The following HPSE2 variants were observed in gnomAD, a reference collection of about 807,000 sequenced individuals.
The protein encoded by HPSE2 is inactive heparanase-2.
HPSE2 carries 38 observed loss-of-function variants against 60.5 expected under a neutral mutation model. That is an observed-to-expected ratio of 0.63 (90% confidence interval 0.48 to 0.82). The LOEUF (loss-of-function observed/expected upper bound fraction) is 0.82. Ranked by LOEUF, HPSE2 falls within the 40% of genes least tolerant of loss-of-function variation. The probability of loss-of-function intolerance (pLI) is 0.00; values close to 1 mark genes in which losing one functional copy is unlikely to be tolerated. For missense variants in HPSE2, 713 were observed against 740.4 expected, an observed-to-expected ratio of 0.96 and a Z score of 0.43; for synonymous variants, 295 against 293.2, an observed-to-expected ratio of 1.01 and a Z score of -0.06.
At chr10:99,162,139 A>G (rs1442034653) in intron 2 of HPSE2, among the ~76,000 whole-genome samples, 2 of 152,228 alleles carry the variant, frequency 1.3e-5, no homozygotes, top group Admixed American at 6.5e-5. Context: ...AATGTACTTA[A>G]TAACACTGAA....
chr10:99,185,145 C>CA (rs948832400), intron 2 of HPSE2, among the ~76,000 whole-genome samples: 23 of 149,932 alleles, frequency 1.5e-4, no homozygotes, highest in Middle Eastern at 3.5e-3. Context: ...ACTAAATATA[C>CA]AAAAAAAAAT....
At chr10:98,589,908 T>A (rs1396134011) in intron 9 of HPSE2, among the ~76,000 whole-genome samples, 1 of 152,204 alleles carries the variant, frequency 6.6e-6, no homozygotes, top group Non-Finnish European at 1.5e-5. Flanking sequence ...AATTTAGTCA[T>A]CCTGTCAGGA....
intron 11 of HPSE2, among the ~76,000 whole-genome samples, chr10:98,479,482 C>G (rs1941150662): frequency 6.6e-6 from 1 of 152,232 alleles, no homozygotes; most frequent in Non-Finnish European, 1.5e-5. Context: ...CCACACCCTT[C>G]CTGTGAGACC....
intron 3 of HPSE2, among the ~76,000 whole-genome samples, chr10:98,829,525 A>T (rs1194063252): frequency 6.6e-6 from 1 of 152,084 alleles, no homozygotes; most frequent in Admixed American, 6.6e-5. Context: ...CATCTCAAAA[A>T]AAACAAAAAA....
chr10:98,487,907 C>T, intron 10 of HPSE2, among the ~76,000 whole-genome samples: 1 of 152,228 alleles, frequency 6.6e-6, no homozygotes, highest in East Asian at 1.9e-4. Flanking sequence ...CACCTGTTGA[C>T]ATGGAGGAGC....
the HPSE2 span, among the ~76,000 whole-genome samples, chr10:99,312,973 C>A: frequency 6.6e-6 from 1 of 152,128 alleles, no homozygotes; most frequent in Non-Finnish European, 1.5e-5. Context: ...TCAGTGAATT[C>A]TCATGAGATC....
At chr10:99,159,041 A>G (rs1252048878) in intron 2 of HPSE2, among the ~76,000 whole-genome samples, 1 of 152,076 alleles carries the variant, frequency 6.6e-6, no homozygotes, top group Non-Finnish European at 1.5e-5. Context: ...TTACACATCT[A>G]TATTCTAAAA....
the HPSE2 span, among the ~76,000 whole-genome samples, chr10:99,278,590 G>T: frequency 1.3e-5 from 2 of 152,112 alleles, no homozygotes; most frequent in Non-Finnish European, 2.9e-5. Flanking sequence ...ACATAATTTT[G>T]CTGCCTCAAA....
chr10:98,749,050 G>A (rs1325514356), intron 3 of HPSE2, among the ~76,000 whole-genome samples: 3 of 152,100 alleles, frequency 2.0e-5, no homozygotes, highest in Non-Finnish European at 4.4e-5. Context: ...ATAGTAATGA[G>A]AGAAGAACCA....
the HPSE2 span, among the ~76,000 whole-genome samples, chr10:99,245,992 G>C: frequency 6.6e-6 from 1 of 152,106 alleles, no homozygotes; most frequent in Non-Finnish European, 1.5e-5. Context: ...TACAATGATA[G>C]GTGAGAAACA....
At chr10:99,176,728 T>C (rs559994312) in intron 2 of HPSE2, among the ~76,000 whole-genome samples, 123 of 152,052 alleles carry the variant, frequency 8.1e-4, no homozygotes, top group African/African-American at 2.9e-3. Flanking sequence ...TTCCTCAACC[T>C]AGCAAGACAG....
At chr10:98,616,969 G>A (rs1485573200) in intron 8 of HPSE2, among the ~76,000 whole-genome samples, 1 of 152,176 alleles carries the variant, frequency 6.6e-6, no homozygotes, top group East Asian at 1.9e-4. Context: ...TGAATTGTGG[G>A]CTAACGCCTC....
intron 9 of HPSE2, among the ~76,000 whole-genome samples, chr10:98,581,088 G>A (rs527939766): frequency 1.3e-5 from 2 of 151,450 alleles, no homozygotes; most frequent in South Asian, 2.1e-4. Flanking sequence ...TTATAGGTGC[G>A]TGCCAACACG....
chr10:98,497,132 C>T (rs1941869991), intron 9 of HPSE2, among the ~76,000 whole-genome samples: 1 of 151,958 alleles, frequency 6.6e-6, no homozygotes, highest in South Asian at 2.1e-4. Context: ...AATGAATAAC[C>T]TATCCGTAAG....
At position 99,209,898 on chromosome 10, in the gene HPSE2, C is replaced by G. The variant is rs188748730; in HGVS notation, c.448+22450G>C. ...GGAGACAGGGTTTCACCATATTGAT[C>G]AGACTGGTCTCCAACTCCTGACCTC... On this transcript the variant is annotated intron_variant, in intron 2 of 11. Transcript: ENST00000370552. 2.0e-5 allele frequency among the ~76,000 whole-genome samples: 3 copies of G among 152,324 alleles called. No individual in the cohort carries two copies. The East Asian group carries it at 5.8e-4, about 29-fold the overall frequency.
intron 7 of HPSE2, among the ~76,000 whole-genome samples, chr10:98,626,890 C>T (rs1946230047): frequency 1.3e-5 from 2 of 152,104 alleles, no homozygotes; most frequent in Admixed American, 6.5e-5. Flanking sequence ...TCTCCTGCTT[C>T]AGCCTCCTGA....
At chr10:98,887,633 G>T (rs1953203057) in intron 3 of HPSE2, among the ~76,000 whole-genome samples, 1 of 152,024 alleles carries the variant, frequency 6.6e-6, no homozygotes, top group South Asian at 2.1e-4. Flanking sequence ...CAATCTGGCA[G>T]ACCAGACACT....
chr10:98,624,640 C>A (rs536687201), intron 7 of HPSE2, among the ~76,000 whole-genome samples: 6 of 152,146 alleles, frequency 3.9e-5, no homozygotes, highest in South Asian at 2.1e-4. Flanking sequence ...ATTTGTATAT[C>A]ATTTTAATTG....
At chr10:99,006,119 G>T (rs963449062) in intron 3 of HPSE2, among the ~76,000 whole-genome samples, 1 of 151,996 alleles carries the variant, frequency 6.6e-6, no homozygotes, top group African/African-American at 2.4e-5. Flanking sequence ...TGGCACTGGG[G>T]TGGTCTCTGA....
Sources: allele counts gnomAD v4.1 joint callset (sites outside exome capture counted in the v4.1 genomes callset), GRCh38; gene constraint gnomAD v4.1.1; transcripts MANE v1.5; gene names NCBI Gene and HGNC (gene_info 2026-07-23, HGNC 2026-07-21).